Variants in SPOCK3 observed in about 807,000 individuals in gnomAD.
SPOCK3 encodes the protein testican-3.
A neutral mutation model predicts 56.6 loss-of-function variants in SPOCK3; 30 were observed. The observed-to-expected ratio is 0.53, with a 90% confidence interval of 0.40 to 0.72. The LOEUF (loss-of-function observed/expected upper bound fraction) is 0.72, where lower values mean the gene tolerates loss of function less well. Among genes scored for constraint, SPOCK3 ranks in the 30% least tolerant of loss-of-function variants. The pLI, the probability that SPOCK3 is intolerant of heterozygous loss-of-function variation, is 0.00. For synonymous variants in SPOCK3, 196 were observed against 183.3 expected (o/e 1.07, Z -0.56); for missense variants, 527 against 530.0 (o/e 0.99, Z 0.06).
intron 4 of SPOCK3, among the ~76,000 whole-genome samples, chr4:166,975,596 A>T (rs991398593): frequency 6.6e-6 from 1 of 152,142 alleles, no homozygotes; most frequent in African/African-American, 2.4e-5. Flanking sequence ...TTTAGATTTT[A>T]TATATTCTAT....
intron 3 of SPOCK3, among the ~76,000 whole-genome samples, chr4:167,031,515 A>G (rs1191191783): frequency 6.6e-6 from 1 of 152,032 alleles, no homozygotes; most frequent in Non-Finnish European, 1.5e-5. Context: ...GCTCACTTAC[A>G]AGAAAAAGGC....
intron 6 of SPOCK3, among the ~76,000 whole-genome samples, chr4:166,806,269 G>A (rs1025476731): frequency 6.6e-6 from 1 of 151,936 alleles, no homozygotes; most frequent in African/African-American, 2.4e-5. Context: ...CTTTGGCAAG[G>A]CCTCAATAAT....
intron 3 of SPOCK3, among the ~76,000 whole-genome samples, chr4:167,045,404 G>T (rs1325345156): frequency 1.3e-5 from 2 of 152,022 alleles, no homozygotes; most frequent in African/African-American, 2.4e-5. Flanking sequence ...TATTGATATA[G>T]TTGGAATAAT....
At chr4:166,769,845 G>C (rs1738685483) in intron 7 of SPOCK3, among the ~76,000 whole-genome samples, 1 of 152,166 alleles carries the variant, frequency 6.6e-6, no homozygotes, top group African/African-American at 2.4e-5. Flanking sequence ...CCCAGATGGA[G>C]CTTCCTGGCA....
At chr4:166,845,524 A>G (rs963572173) in intron 6 of SPOCK3, among the ~76,000 whole-genome samples, 1 of 152,160 alleles carries the variant, frequency 6.6e-6, no homozygotes, top group African/African-American at 2.4e-5. Flanking sequence ...GTACTGTTTA[A>G]GTGATTGAAG....
intron 5 of SPOCK3, among the ~76,000 whole-genome samples, chr4:166,893,020 C>G (rs911998049): frequency 1.3e-5 from 2 of 152,056 alleles, no homozygotes; most frequent in African/African-American, 4.8e-5. Context: ...TCACTCCCCC[C>G]TCAAATGTCA....
chr4:167,176,536 A>G (rs924506286), intron 2 of SPOCK3, among the ~76,000 whole-genome samples: 8 of 152,218 alleles, frequency 5.3e-5, no homozygotes, highest in Non-Finnish European at 1.0e-4. Flanking sequence ...ATATAATTAA[A>G]TGCCATTTTT....
At chr4:166,926,316 C>G (rs568487860) in intron 4 of SPOCK3, among the ~76,000 whole-genome samples, 1 of 152,208 alleles carries the variant, frequency 6.6e-6, no homozygotes, top group Non-Finnish European at 1.5e-5. Flanking sequence ...CCTATGGGCT[C>G]TTAGGAGTAG....
intron 6 of SPOCK3, among the ~76,000 whole-genome samples, chr4:166,887,934 C>T (rs539135373): frequency 6.6e-6 from 1 of 151,176 alleles, no homozygotes; most frequent in Non-Finnish European, 1.5e-5. Flanking sequence ...TGTCATTCTT[C>T]ACAGGATCTA....
intron 2 of SPOCK3, among the ~76,000 whole-genome samples, chr4:167,150,543 G>A (rs1026950316): frequency 4.6e-5 from 7 of 152,094 alleles, no homozygotes; most frequent in Admixed American, 1.3e-4. Flanking sequence ...ACTGTCTGGG[G>A]AGTGCAAACC....
chr4:167,159,675 C>A (rs1765114894), intron 2 of SPOCK3, among the ~76,000 whole-genome samples: 1 of 152,086 alleles, frequency 6.6e-6, no homozygotes, highest in Admixed American at 6.6e-5. Flanking sequence ...AGCAGCACAT[C>A]AAAAAGCTTA....
At chr4:166,742,174 A>G (rs1734914575) in intron 8 of SPOCK3, 115 bp from the exon 9 acceptor site, 1 of 698,078 alleles carries the variant, frequency 1.4e-6, no homozygotes, top group Non-Finnish European at 2.5e-6. Flanking sequence ...CATGTATTAC[A>G]TATTAATTGG....
chr4:167,163,117 T>G (rs1765459337), intron 2 of SPOCK3, among the ~76,000 whole-genome samples: 1 of 151,196 alleles, frequency 6.6e-6, no homozygotes, highest in African/African-American at 2.4e-5. Context: ...ACATACAATT[T>G]TGTACTACTT....
chr4:167,049,245 A>C (rs1753985079), intron 3 of SPOCK3, among the ~76,000 whole-genome samples: 1 of 151,676 alleles, frequency 6.6e-6, no homozygotes, highest in Admixed American at 6.6e-5. Context: ...TTATTTCCCT[A>C]CTTACTAACA....
intron 2 of SPOCK3, among the ~76,000 whole-genome samples, chr4:167,134,630 C>T (rs1032300529): frequency 6.6e-6 from 1 of 152,060 alleles, no homozygotes; most frequent in Admixed American, 6.6e-5. Context: ...TTAATTTATG[C>T]ATCACAAACT....
chr4:167,102,079 T>C (rs2150326903), intron 2 of SPOCK3, among the ~76,000 whole-genome samples: 1 of 152,054 alleles, frequency 6.6e-6, no homozygotes, highest in South Asian at 2.1e-4. Context: ...TCCTTGTGGG[T>C]TGAAATAACC....
chr4:167,066,428 C>G (rs978955734), intron 2 of SPOCK3, among the ~76,000 whole-genome samples: 1 of 151,764 alleles, frequency 6.6e-6, no homozygotes, highest in Non-Finnish European at 1.5e-5. Flanking sequence ...AAAATTCACT[C>G]ATTTGAATAC....
chr4:167,117,004 C>T (rs1354034028), intron 2 of SPOCK3, among the ~76,000 whole-genome samples: 1 of 148,116 alleles, frequency 6.8e-6, no homozygotes, highest in African/African-American at 2.5e-5. Flanking sequence ...CAGATATAGA[C>T]AAATGCTTCT....
intron 2 of SPOCK3, among the ~76,000 whole-genome samples, chr4:167,200,466 G>A (rs1733412423): frequency 6.6e-6 from 1 of 151,816 alleles, no homozygotes; most frequent in Non-Finnish European, 1.5e-5. Context: ...AAAAAGCAAT[G>A]GGCTCCATCA....
Sources: allele counts gnomAD v4.1 joint callset (sites outside exome capture counted in the v4.1 genomes callset), GRCh38; gene constraint gnomAD v4.1.1; transcripts MANE v1.5; gene names NCBI Gene and HGNC (gene_info 2026-07-23, HGNC 2026-07-21).